The following KRTAP5-2 variants were observed in gnomAD, a reference collection of about 807,000 sequenced individuals.
The protein encoded by KRTAP5-2 is keratin associated protein 5-2.
For synonymous variants in KRTAP5-2, 79 were observed against 82.7 expected, an observed-to-expected ratio of 0.96 and a Z score of 0.24; for missense variants, 188 against 212.8, an observed-to-expected ratio of 0.88 and a Z score of 0.73.
At position 1,597,551 on chromosome 11, in the gene KRTAP5-2, G is replaced by A; in HGVS notation, c.*166C>T. The A allele has an allele frequency of 4.4e-6, 5 of 1,139,644 alleles. No individual in the cohort carries two copies. Among genetic ancestry groups the A allele is most frequent in the South Asian group, 1.5e-5 (1 of 65,988 alleles). 70.6% of individuals were successfully genotyped at this position (1,139,644 alleles called of 1,614,324 possible). On this transcript the variant is annotated 3_prime_UTR_variant, in exon 1 of 1. Coordinates refer to ENST00000412090, the MANE Select transcript of KRTAP5-2 (RefSeq NM_001004325.2). ...CGTTTCTGGAGTGAGGAGGCTGAAGGCAGGGCCCAGAGGAGAGCTGAGCCA... is the reference window on the plus strand; with the variant it reads ...CGTTTCTGGAGTGAGGAGGCTGAAGACAGGGCCCAGAGGAGAGCTGAGCCA...
At position 1,598,033 on chromosome 11, in the gene KRTAP5-2, C is replaced by T. The variant is rs982228957; in HGVS notation, c.218G>A (p.Cys73Tyr). 51 of 1,611,688 alleles carry T rather than the reference C, an allele frequency of 3.2e-5. No homozygotes were observed. Among genetic ancestry groups the T allele is most frequent in the Non-Finnish European group, 4.2e-5 (50 of 1,179,736 alleles). The change falls in exon 1 of 1, where the codon TGT becomes TAT. Residue 73 changes from cysteine (C) to tyrosine (Y), a missense_variant. By Grantham distance (194) the Cys-to-Tyr change is radical. Coordinates refer to ENST00000412090, the MANE Select transcript of KRTAP5-2 (RefSeq NM_001004325.2). ...CKPVCSWVPACSCTSCGSCGG... is the reference protein window; with the variant it reads ...CKPVCSWVPAYSCTSCGSCGG... ...ACAGGAGCCACAGCTGGTGCAGGAA[C>T]AGGCTGGCACCCAGGAGCACACGGG...
In KRTAP5-2 at chr11:1,598,173, A is replaced by T. The variant is rs569804144; in HGVS notation, c.78T>A (p.Ser26=). 1 of 1,293,330 alleles carries T rather than the reference A, an allele frequency of 7.7e-7. No individual in the cohort carries two copies. The highest frequency in any genetic ancestry group is 1.0e-6 in the Non-Finnish European group (1 of 982,090). The allele number at this position is 1,293,330 out of a possible 1,614,324, so 80.1% of individuals were successfully genotyped here. A position where few individuals can be genotyped will look rare whatever the true frequency, so the allele number is the denominator to read the frequency against. ...GCGSSCGGCG[S]GCGGCGSGRG... ...GGCCGGAGCCACAGCCCCCACAGCCAGAGCCACAACCCCCACAGCTGGAGC... is the reference window on the plus strand; with the variant it reads ...GGCCGGAGCCACAGCCCCCACAGCCTGAGCCACAACCCCCACAGCTGGAGC... Residue 26 remains serine (S), a synonymous_variant, in exon 1 of 1, where the codon TCT becomes TCA. Coordinates refer to ENST00000412090, the MANE Select transcript of KRTAP5-2 (RefSeq NM_001004325.2).
In KRTAP5-2 at chr11:1,598,162, C is replaced by T. The variant is rs770598248; in HGVS notation, c.89G>A (p.Gly30Asp). The T allele has an allele frequency of 1.3e-6, 2 of 1,580,934 alleles. No individual in the cohort carries two copies. The highest frequency in any genetic ancestry group is 2.3e-5 in the East Asian group (1 of 44,112). The change falls in exon 1 of 1, where the codon GGC (glycine) becomes GAC (aspartate). Residue 30 changes from glycine (G) to aspartate (D), a missense_variant. Physicochemically the swap from Gly to Asp is moderately conservative, Grantham distance 94 (BLOSUM62 -1). Transcript: ENST00000412090. ...SCGGCGSGCG[G>D]CGSGRGGCGS... The stretch of plus-strand genomic sequence containing the variant: ...ACAGCCCCCACGGCCGGAGCCACAG[C>T]CCCCACAGCCAGAGCCACAACCCCC...
chr11:1,597,684 A>G lies in KRTAP5-2; in HGVS notation c.*33T>C, dbSNP rs1440348621. On this transcript the variant is annotated 3_prime_UTR_variant, in exon 1 of 1. Coordinates refer to ENST00000412090, the MANE Select transcript of KRTAP5-2 (RefSeq NM_001004325.2). ...GAACCATAAGAAATGCTTTCACCAA[A>G]CAGGAGAAACCTGAAGGTCTGGGTC... The G allele has an allele frequency of 6.2e-7, 1 of 1,612,586 alleles. No homozygotes were observed. The highest frequency in any genetic ancestry group is 8.5e-7 in the Non-Finnish European group (1 of 1,178,818).
At position 1,597,769 on chromosome 11, in the gene KRTAP5-2, C is replaced by T; in HGVS notation, c.482G>A (p.Cys161Tyr). ...VCCQSSCCKP[C>Y]CCQSNCCVPV... is the part of the protein sequence containing the mutation. ...GACACAACAGTTGGACTGGCAGCAA[C>T]AGGGCTTGCAGCAGCTGGACTGGCA... The change falls in exon 1 of 1, where the codon TGT (cysteine) becomes TAT (tyrosine). Residue 161 changes from cysteine to tyrosine, a missense_variant. Coordinates refer to ENST00000412090, the MANE Select transcript of KRTAP5-2 (RefSeq NM_001004325.2). The T allele has an allele frequency of 6.2e-7, 1 of 1,614,004 alleles. No homozygotes were observed. The highest frequency in any genetic ancestry group is 1.1e-5 in the South Asian group (1 of 91,074).
In KRTAP5-2 at chr11:1,598,037, C is replaced by T; in HGVS notation, c.214G>A (p.Ala72Thr). Residue 72 changes from alanine (A) to threonine (T), a missense_variant, in exon 1 of 1, where the codon GCC becomes ACC. By Grantham distance (58) the Ala-to-Thr change is moderately conservative (BLOSUM62 0). Coordinates refer to ENST00000412090, the MANE Select transcript of KRTAP5-2 (RefSeq NM_001004325.2). ...GAGCCACAGCTGGTGCAGGAACAGG[C>T]TGGCACCCAGGAGCACACGGGCTTG... ...CCKPVCSWVP[A>T]CSCTSCGSCG... 1 of 1,605,940 alleles carries T rather than the reference C, an allele frequency of 6.2e-7. No individual in the cohort carries two copies. Among genetic ancestry groups the T allele is most frequent in the South Asian group, 1.1e-5 (1 of 90,762 alleles).
At position 1,597,700 on chromosome 11, in the gene KRTAP5-2, G is replaced by A. The variant is rs200247586; in HGVS notation, c.*17C>T. ...TTTCACCAAACAGGAGAAACCTGAA[G>A]GTCTGGGTCCAGAGCCTCAGATCTT... On this transcript the variant is annotated 3_prime_UTR_variant, in exon 1 of 1. Coordinates refer to ENST00000412090, the MANE Select transcript of KRTAP5-2 (RefSeq NM_001004325.2). 1.1e-3 allele frequency: 1,794 copies of A among 1,613,822 alleles called. 26 individuals carry two copies. In the South Asian group the frequency reaches 0.019, roughly 17 times the overall value.
Position 1,598,133 on chromosome 11 carries a change from A to C in KRTAP5-2, c.118T>G (p.Ser40Ala). The C allele has an allele frequency of 6.3e-7, 1 of 1,585,208 alleles. No homozygotes were observed. The highest frequency in any genetic ancestry group is 8.6e-7 in the Non-Finnish European group (1 of 1,161,934). The change falls in exon 1 of 1, where the codon TCT (serine) becomes GCT (alanine). Residue 40 changes from serine to alanine, a missense_variant. Ser to Ala is a moderately conservative substitution (Grantham distance 99). Coordinates refer to ENST00000412090, the MANE Select transcript of KRTAP5-2 (RefSeq NM_001004325.2). ...GCGSGRGGCG[S>A]GCGGCSSSCG... ...CTGGAGCTGCAGCCCCCACAGCCAG[A>C]GCCACAGCCCCCACGGCCGGAGCCA...
chr11:1,598,211 A>C lies in KRTAP5-2; in HGVS notation c.40T>G (p.Cys14Gly). The change falls in exon 1 of 1, where the codon TGT becomes GGT. Residue 14 changes from cysteine to glycine, a missense_variant. Physicochemically the swap from Cys to Gly is radical, Grantham distance 159. Transcript: ENST00000412090. ...CCACAGCTGGAGCCACAGCCCCCAC[A>C]GCCGGAGCCACAGCCTCTGGAGCAG... ...CGCSRGCGSG[C>G]GGCGSSCGGC... is the part of the protein sequence containing the mutation. The C allele has an allele frequency of 6.3e-7, 1 of 1,589,232 alleles. No individual in the cohort carries two copies. Among genetic ancestry groups the C allele is most frequent in the Non-Finnish European group, 8.6e-7 (1 of 1,169,360 alleles).
rs1219200062 is a variant in KRTAP5-2 at position 1,597,311 on chromosome 11, C to T, written c.*406G>A. 4.4e-5 allele frequency: 10 copies of T among 228,308 alleles called. No individual in the cohort carries two copies. Among genetic ancestry groups the T allele is most frequent in the East Asian group, 2.0e-4 (2 of 10,146 alleles). The allele number at this position is 228,308 out of a possible 1,614,324, so 14.1% of individuals were successfully genotyped here. A position where few individuals can be genotyped will look rare whatever the true frequency, so the allele number is the denominator to read the frequency against. The stretch of plus-strand genomic sequence containing the variant: ...ACTTGGGCCACAGGAGAACAGGCAG[C>T]GGCCCAGGAGGATCCAGGGTCCTGA... On this transcript the variant is annotated 3_prime_UTR_variant, in exon 1 of 1. Transcript: ENST00000412090.
Position 1,597,767 on chromosome 11 carries a change from A to G in KRTAP5-2, c.484T>C (p.Cys162Arg). 1 of 1,614,094 alleles carries G rather than the reference A, an allele frequency of 6.2e-7. No homozygotes were observed. The highest frequency in any genetic ancestry group is 1.1e-5 in the South Asian group (1 of 91,090). Residue 162 changes from cysteine (C) to arginine (R), a missense_variant, in exon 1 of 1, where the codon TGC becomes CGC. Transcript: ENST00000412090. ...CCQSSCCKPC[C>R]CQSNCCVPVC... ...GGGACACAACAGTTGGACTGGCAGC[A>G]ACAGGGCTTGCAGCAGCTGGACTGG... is the stretch of plus-strand genomic sequence containing the variant.
Position 1,597,524 on chromosome 11 carries a change from C to T in KRTAP5-2, c.*193G>A. On this transcript the variant is annotated 3_prime_UTR_variant, in exon 1 of 1. Transcript: ENST00000412090. ...GGACACCTCCCGCATCAGGGAAACACACGTTTCTGGAGTGAGGAGGCTGAA... is the reference window on the plus strand; with the variant it reads ...GGACACCTCCCGCATCAGGGAAACATACGTTTCTGGAGTGAGGAGGCTGAA... The T allele has an allele frequency of 1.1e-6, 1 of 923,558 alleles. No homozygotes were observed. The highest frequency in any genetic ancestry group is 1.7e-5 in the South Asian group (1 of 57,810). 57.2% of individuals were successfully genotyped at this position (923,558 alleles called of 1,614,324 possible).
Position 1,598,209 on chromosome 11 carries a change from A to G in KRTAP5-2, c.42T>C (p.Cys14=), listed in dbSNP as rs1184296375. 2 of 1,546,764 alleles carry G rather than the reference A, an allele frequency of 1.3e-6. No individual in the cohort carries two copies. Among genetic ancestry groups the G allele is most frequent in the Non-Finnish European group, 8.7e-7 (1 of 1,145,964 alleles). Residue 14 remains cysteine, a synonymous_variant, in exon 1 of 1, where the codon TGT becomes TGC. Coordinates refer to ENST00000412090, the MANE Select transcript of KRTAP5-2 (RefSeq NM_001004325.2). The part of the protein sequence containing the change: ...CGCSRGCGSG[C]GGCGSSCGGC... The stretch of plus-strand genomic sequence containing the variant: ...CCCCACAGCTGGAGCCACAGCCCCC[A>G]CAGCCGGAGCCACAGCCTCTGGAGC...
Position 1,597,894 on chromosome 11 carries a change from A to C in KRTAP5-2, c.357T>G (p.Cys119Trp). 1 of 1,613,710 alleles carries C rather than the reference A, an allele frequency of 6.2e-7. No individual in the cohort carries two copies. The highest frequency in any genetic ancestry group is 8.5e-7 in the Non-Finnish European group (1 of 1,179,886). The change falls in exon 1 of 1, where the codon TGT becomes TGG. Residue 119 changes from cysteine (C) to tryptophan (W), a missense_variant. Coordinates refer to ENST00000412090, the MANE Select transcript of KRTAP5-2 (RefSeq NM_001004325.2). ...AGCCTGAGGAGCAGCAACAGGGCTT[A>C]CAACAGCTGGACTGGGAGCAGCCAC... ...GSCGCSQSSCCKPCCCSSGCG... is the reference protein window; with the variant it reads ...GSCGCSQSSCWKPCCCSSGCG...
At position 1,597,425 on chromosome 11, in the gene KRTAP5-2, GAGA is replaced by G. The variant is rs1048464375; in HGVS notation, c.*289_*291del. On this transcript the variant is annotated 3_prime_UTR_variant, in exon 1 of 1. Transcript: ENST00000412090. ...GACCTTGCATCTCAGTCAGCCCAGG[GAGA>G]AGAAGAAGATGGTCCACACCCAAGT... The G allele has an allele frequency of 1.2e-5, 6 of 511,274 alleles. No individual in the cohort carries two copies. The highest frequency in any genetic ancestry group is 2.2e-5 in the South Asian group (1 of 44,692). The allele number at this position is 511,274 out of a possible 1,614,324, so 31.7% of individuals were successfully genotyped here. A position where few individuals can be genotyped will look rare whatever the true frequency, so the allele number is the denominator to read the frequency against.
chr11:1,598,126 C>A lies in KRTAP5-2; in HGVS notation c.125G>T (p.Cys42Phe), dbSNP rs145888496. 71 of 1,608,898 alleles carry A rather than the reference C, an allele frequency of 4.4e-5. No homozygotes were observed. Among genetic ancestry groups the A allele is most frequent in the South Asian group, 4.4e-5 (4 of 90,784 alleles). ...GSGRGGCGSG[C>F]GGCSSSCGGC... ...CCCACAGCTGGAGCTGCAGCCCCCA[C>A]AGCCAGAGCCACAGCCCCCACGGCC... Residue 42 changes from cysteine to phenylalanine, a missense_variant, in exon 1 of 1, where the codon TGT (cysteine) becomes TTT (phenylalanine). Coordinates refer to ENST00000412090, the MANE Select transcript of KRTAP5-2 (RefSeq NM_001004325.2).
Position 1,597,579 on chromosome 11 carries a change from G to C in KRTAP5-2, c.*138C>G. Reference sequence around the variant, plus strand: ...GGGCCCAGAGGAGAGCTGAGCCATGGAAGGAGGTGTGTGCATGGATGGTGA... The same window carrying C: ...GGGCCCAGAGGAGAGCTGAGCCATGCAAGGAGGTGTGTGCATGGATGGTGA... On this transcript the variant is annotated 3_prime_UTR_variant, in exon 1 of 1. Transcript: ENST00000412090. The C allele has an allele frequency of 7.4e-7, 1 of 1,359,056 alleles. No homozygotes were observed. Among genetic ancestry groups the C allele is most frequent in the Non-Finnish European group, 1.0e-6 (1 of 976,388 alleles). 84.2% of individuals were successfully genotyped at this position (1,359,056 alleles called of 1,614,324 possible). A position where few individuals can be genotyped will look rare whatever the true frequency, so the allele number is the denominator to read the frequency against.
chr11:1,598,265 G>A lies in KRTAP5-2; in HGVS notation c.-15C>T, dbSNP rs1849322696. 6.2e-7 allele frequency: 1 copy of A among 1,613,942 alleles called. No individual in the cohort carries two copies. Among genetic ancestry groups the A allele is most frequent in the South Asian group, 1.1e-5 (1 of 91,072 alleles). On this transcript the variant is annotated 5_prime_UTR_variant, in exon 1 of 1. Transcript: ENST00000412090. ...CAGCAGCCCATGGTTCTGGTGGATT[G>A]AGGGTGGAGCAGGTAGAGGAGCAGG...
At position 1,597,359 on chromosome 11, in the gene KRTAP5-2, TAGTGATCACTC is replaced by T; in HGVS notation, c.*347_*357del. ...TGATGGTGGTTGAGAAGCTGGTTCT[TAGTGATCACTC>T]AGAAACGTCGGCCTGGCCTTGTGGG... is the stretch of plus-strand genomic sequence containing the variant. On this transcript the variant is annotated 3_prime_UTR_variant, in exon 1 of 1. Transcript: ENST00000412090. 2.9e-6 allele frequency: 1 copy of T among 339,440 alleles called. No homozygotes were observed. Among genetic ancestry groups the T allele is most frequent in the East Asian group, 6.4e-5 (1 of 15,572 alleles). The allele number at this position is 339,440 out of a possible 1,614,324, so 21.0% of individuals were successfully genotyped here. A position where few individuals can be genotyped will look rare whatever the true frequency, so the allele number is the denominator to read the frequency against.
Sources: gnomAD v4.1 joint callset for allele counts on GRCh38, gnomAD v4.1.1 for gene constraint, MANE v1.5 for transcripts, NCBI Gene and HGNC (gene_info 2026-07-23, HGNC 2026-07-21) for gene names.